The following UIMC1 variants were observed in gnomAD, a reference collection of about 807,000 sequenced individuals.
UIMC1 encodes ubiquitin interaction motif containing 1, also known as BRCA1-A complex subunit RAP80.
A neutral mutation model predicts 84.9 loss-of-function variants in UIMC1; 42 were observed. The ratio of observed to expected loss-of-function variants is 0.49; its 90% confidence interval spans 0.39 to 0.64. The LOEUF is 0.64. Ranked by LOEUF, UIMC1 falls within the 30% of genes least tolerant of loss-of-function variation. The pLI is 0.00. For synonymous variants in UIMC1, 281 were observed against 293.0 expected (o/e 0.96, Z 0.42); for missense variants, 825 against 847.6 (o/e 0.97, Z 0.33).
chr5:177,000,688 T>C (rs1561922802), intron 1 of UIMC1, among the ~76,000 whole-genome samples: 1 of 151,542 alleles, frequency 6.6e-6, no homozygotes. Context: ...TCAGTAGAGA[T>C]GGGGTTTCTC....
chr5:176,970,618 G>C (rs1769063168), intron 4 of UIMC1, 124 bp downstream of exon 4: 1 of 1,468,680 alleles, frequency 6.8e-7, no homozygotes, highest in Non-Finnish European at 9.4e-7. Flanking sequence ...ATTACTATGG[G>C]AATTTTTGTT....
At chr5:176,906,712 T>C (rs2149384330) in intron 13 of UIMC1, among the ~76,000 whole-genome samples, 1 of 152,316 alleles carries the variant, frequency 6.6e-6, no homozygotes, top group Non-Finnish European at 1.5e-5. Flanking sequence ...ACGCTCAGGA[T>C]CACAGGTTGC....
rs115287966 is a variant in UIMC1, at chr5:177,014,754, G to T, written c.-9+7710C>A. ...GAATAGAATGAATAAAGGCAAAGGG[G>T]TGTGAAAGGATTCCCCAGTTGGAGA... On this transcript the variant is annotated intron_variant, in intron 1 of 5. Transcript: ENST00000509236. 9.1e-3 allele frequency among the ~76,000 whole-genome samples: 1,385 copies of T among 152,186 alleles called. 8 individuals are homozygous for T. The highest frequency in any genetic ancestry group is 0.025 in the South Asian group (121 of 4,816).
chr5:176,928,975 C>T (rs1762737293), intron 10 of UIMC1, among the ~76,000 whole-genome samples: 1 of 150,546 alleles, frequency 6.6e-6, no homozygotes, highest in Admixed American at 6.6e-5. Flanking sequence ...ATTAATTGGC[C>T]GGGCGTGGTG....
intron 10 of UIMC1, among the ~76,000 whole-genome samples, chr5:176,914,041 C>CCATAA (rs1271095502): frequency 6.9e-6 from 1 of 145,256 alleles, no homozygotes. Context: ...ATACCATACA[C>CCATAA]CATACCATAC....
chr5:176,955,843 G>A (rs554111659), intron 8 of UIMC1, 116 bp downstream of exon 8: 24 of 900,462 alleles, frequency 2.7e-5, no homozygotes, highest in Non-Finnish European at 3.5e-5. Flanking sequence ...GTACATACAC[G>A]TATCAATTAC....
At chr5:176,968,032 A>T (rs1279442905) in intron 6 of UIMC1, among the ~76,000 whole-genome samples, 1 of 152,196 alleles carries the variant, frequency 6.6e-6, no homozygotes, top group Non-Finnish European at 1.5e-5. Context: ...AACACAGAAG[A>T]GTCTTCATTT....
rs1386191683 is a variant in UIMC1 at position 176,960,005 on chromosome 5, TG to T, written c.1201-1852del. On this transcript the variant is annotated intron_variant, in intron 6 of 14. Transcript: ENST00000511320. ...AAGATCGTGCTATTGCACTCCAGCCTGGATGACAAGAGTGAAAACTCTGTCT... is the reference window on the plus strand; with the variant it reads ...AAGATCGTGCTATTGCACTCCAGCCTGATGACAAGAGTGAAAACTCTGTCT... Among the ~76,000 whole-genome samples the T allele has an allele frequency of 1.8e-4, 28 of 152,248 alleles. 1 individual carries two copies. The highest frequency in any genetic ancestry group is 1.8e-3 in the Admixed American group (28 of 15,280).
chr5:176,925,453 G>C (rs1762277419), intron 10 of UIMC1, among the ~76,000 whole-genome samples: 1 of 152,030 alleles, frequency 6.6e-6, no homozygotes, highest in South Asian at 2.1e-4. Context: ...TTATAACCTA[G>C]CAATTCCATT....
At chr5:176,932,845 A>G in intron 10 of UIMC1, among the ~76,000 whole-genome samples, 1 of 148,142 alleles carries the variant, frequency 6.8e-6, no homozygotes, top group East Asian at 1.9e-4. Flanking sequence ...TCATCCAGTC[A>G]GCAATAGCAA....
Position 176,982,470 on chromosome 5 carries a change from T to A in UIMC1, c.146A>T (p.Glu49Val). 6.2e-7 allele frequency: 1 copy of A among 1,611,992 alleles called. No homozygotes were observed. Among genetic ancestry groups the A allele is most frequent in the South Asian group, 1.1e-5 (1 of 90,596 alleles). Residue 49 changes from glutamate to valine, a missense_variant and splice_region_variant, in exon 2 of 15, where the codon GAG (glutamate) becomes GTG (valine). Physicochemically the swap from Glu to Val is moderately radical, Grantham distance 121 (BLOSUM62 -2). Coordinates refer to ENST00000511320, the MANE Select transcript of UIMC1 (RefSeq NM_001199298.2). ...AFIVISDSDG[E>V]EPKEENGLQK... ...ACTTTTCAGCTCTACTTCACTAACC[T>A]CTCCATCACTATCGGATATCACAAT...
Position 176,911,348 on chromosome 5 carries a change from T to C in UIMC1, c.1639A>G (p.Ser547Gly). 2 of 1,601,264 alleles carry C rather than the reference T, an allele frequency of 1.2e-6. No homozygotes were observed. Among genetic ancestry groups the C allele is most frequent in the Non-Finnish European group, 1.7e-6 (2 of 1,172,824 alleles). ...AGAGAAGTCTGGGCAGCTGTCCCAC[T>C]GTCACTCTTGGTCTTGGCCTCTTTT... ...RQKEAKTKSDSGTAAQTSLDI... is the reference protein window; with the variant it reads ...RQKEAKTKSDGGTAAQTSLDI... Residue 547 changes from serine (S) to glycine (G), a missense_variant, in exon 11 of 15, where the codon AGT becomes GGT. Coordinates refer to ENST00000511320, the MANE Select transcript of UIMC1 (RefSeq NM_001199298.2).
At chr5:176,939,089 C>CT (rs1764086444) in intron 10 of UIMC1, among the ~76,000 whole-genome samples, 1 of 151,412 alleles carries the variant, frequency 6.6e-6, no homozygotes, top group Non-Finnish European at 1.5e-5. Context: ...CCTTTCTCTA[C>CT]AAAAGAAAAT....
chr5:176,988,610 C>T (rs1055111555), intron 1 of UIMC1, among the ~76,000 whole-genome samples: 1 of 151,042 alleles, frequency 6.6e-6, no homozygotes, highest in African/African-American at 2.4e-5. Context: ...TTGCACAACA[C>T]TGTGAATTTA....
Position 176,943,508 on chromosome 5 carries a change from G to A in UIMC1, c.1444-20C>T, listed in dbSNP as rs1393413070. On this transcript the variant is annotated intron_variant, in intron 9 of 14. Coordinates refer to ENST00000511320, the MANE Select transcript of UIMC1 (RefSeq NM_001199298.2). ...ACCAACCTGAAGAACATGACAAACAGCAATCATAACAGCTTTAGTTCATAT... is the reference window on the plus strand; with the variant it reads ...ACCAACCTGAAGAACATGACAAACAACAATCATAACAGCTTTAGTTCATAT... 1 of 1,612,286 alleles carries A rather than the reference G, an allele frequency of 6.2e-7. No homozygotes were observed. Among genetic ancestry groups the A allele is most frequent in the Non-Finnish European group, 8.5e-7 (1 of 1,179,058 alleles).
chr5:176,976,029 T>A (rs111392133), intron 2 of UIMC1, among the ~76,000 whole-genome samples: 4,052 of 152,192 alleles, frequency 0.027, 197 homozygotes, highest in African/African-American at 0.092. Context: ...CCAAGCACAG[T>A]GGCTCATGCC....
chr5:177,009,303 C>T (rs1581737134), upstream of UIMC1, among the ~76,000 whole-genome samples: 2 of 151,852 alleles, frequency 1.3e-5, no homozygotes, highest in East Asian at 3.9e-4. The surrounding 1 kb of genome is among the most constrained non-coding windows in gnomAD (Gnocchi z 4.3). Flanking sequence ...GCCACTGCAC[C>T]TGGCCTATGT....
Position 176,956,128 on chromosome 5 carries a change from T to C in UIMC1, c.1263-93A>G, listed in dbSNP as rs533434764. 22 of 1,173,512 alleles carry C rather than the reference T, an allele frequency of 1.9e-5. No individual in the cohort carries two copies. In the Admixed American group the frequency reaches 4.4e-4, roughly 24 times the overall value. 72.7% of individuals were successfully genotyped at this position (1,173,512 alleles called of 1,614,324 possible). A position where few individuals can be genotyped will look rare whatever the true frequency, so the allele number is the denominator to read the frequency against. ...GGTGAGTCACTCACAAAGCCACAGGTAATCACAGATACTTGCTGCCTAATA... is the reference window on the plus strand; with the variant it reads ...GGTGAGTCACTCACAAAGCCACAGGCAATCACAGATACTTGCTGCCTAATA... On this transcript the variant is annotated intron_variant, in intron 7 of 14. Transcript: ENST00000511320.
intron 1 of UIMC1, among the ~76,000 whole-genome samples, chr5:176,990,757 T>C (rs1264848038): frequency 1.3e-5 from 2 of 152,108 alleles, no homozygotes; most frequent in Admixed American, 6.6e-5. Flanking sequence ...CACTGCAACC[T>C]GTAACTCTTA....
Sources: allele counts gnomAD v4.1 joint callset (sites outside exome capture counted in the v4.1 genomes callset), GRCh38; gene constraint gnomAD v4.1.1; non-coding constraint Gnocchi (gnomAD v3.1); transcripts MANE v1.5; gene names NCBI Gene and HGNC (gene_info 2026-07-23, HGNC 2026-07-21).